Variants in SH3BP2 observed in about 807,000 individuals in gnomAD.
The protein encoded by SH3BP2 is SH3 domain-binding protein 2.
In SH3BP2, 38 loss-of-function variants were observed where a neutral mutation model predicts 56.2. That is an observed-to-expected ratio of 0.68 (90% CI 0.52 to 0.89). The LOEUF is 0.89. Among genes scored for constraint, SH3BP2 ranks in the 40% least tolerant of loss-of-function variants. SH3BP2 has a pLI of 0.00. For synonymous variants in SH3BP2, 346 were observed against 316.7 expected (o/e 1.09, Z -0.98); for missense variants, 748 against 762.6 (o/e 0.98, Z 0.23).
At chr4:2,807,865 G>A (rs1443099556) in intron 1 of SH3BP2, among the ~76,000 whole-genome samples, 1 of 152,148 alleles carries the variant, frequency 6.6e-6, no homozygotes, top group African/African-American at 2.4e-5. Context: ...GGTGGGAGGT[G>A]GAGAGCCCAG....
intron 1 of SH3BP2, among the ~76,000 whole-genome samples, chr4:2,816,063 T>A (rs1025244522): frequency 1.1e-4 from 16 of 152,214 alleles, no homozygotes; most frequent in African/African-American, 3.9e-4. Context: ...CTAATAATTT[T>A]TTTTTTTTGA....
At chr4:2,799,947 T>C (rs1403300386) in intron 1 of SH3BP2, among the ~76,000 whole-genome samples, 1 of 151,410 alleles carries the variant, frequency 6.6e-6, no homozygotes, top group Non-Finnish European at 1.5e-5. Flanking sequence ...CTGGCTTATG[T>C]TTTCAAGCTT....
chr4:2,820,585 G>A, intron 1 of SH3BP2, 29 bp from the exon 2 acceptor site: 3 of 1,614,056 alleles, frequency 1.9e-6, no homozygotes, highest in Non-Finnish European at 1.7e-6. Flanking sequence ...GACCGTAGCT[G>A]AGCCACGTGC....
rs915216267 is a variant in SH3BP2, at chr4:2,822,632, C to T, written c.137-303C>T. On this transcript the variant is annotated intron_variant, in intron 2 of 12. Coordinates refer to ENST00000503393, the MANE Select transcript of SH3BP2 (RefSeq NM_001122681.2). ...GGCCTCCCTGGGCCTCTGGTCCTGG[C>T]TCTGCCTTGCCTCATGCTGGCTCCA... 3.9e-5 allele frequency among the ~76,000 whole-genome samples: 6 copies of T among 152,368 alleles called. No homozygotes were observed. The East Asian group carries it at 1.2e-3, about 29-fold the overall frequency.
At position 2,827,254 on chromosome 4, in the gene SH3BP2, C is replaced by T. The variant is rs113144616; in HGVS notation, c.453C>T (p.Ser151=). The T allele has an allele frequency of 5.0e-6, 8 of 1,614,050 alleles. No homozygotes were observed. The African/African-American group carries it at 8.0e-5, about 16-fold the overall frequency. The change falls in exon 6 of 13, where the codon AGC becomes AGT. Residue 151 remains serine, a synonymous_variant. Transcript: ENST00000503393. ...GCGACTCCAGCTCGGACACAGACAG[C>T]TTCTACGGCGCAGTTGAGCGGCCTG... ...DTSDSSSDTD[S]FYGAVERPVD...
chr4:2,823,537 T>G (rs1448205850), intron 3 of SH3BP2: 2 of 456,098 alleles, frequency 4.4e-6, no homozygotes, highest in Non-Finnish European at 8.8e-6. Context: ...TGATGGGCCA[T>G]GAGCTGCCCT....
intron 10 of SH3BP2, 158 bp downstream of exon 10, chr4:2,832,136 A>T: frequency 2.0e-6 from 2 of 977,718 alleles, no homozygotes; most frequent in Non-Finnish European, 3.2e-6. Context: ...GCTCTGTCCC[A>T]TGCCCAGCTG....
Position 2,833,061 on chromosome 4 carries a change from C to T in SH3BP2, c.1548+12C>T, listed in dbSNP as rs746486429. On this transcript the variant is annotated intron_variant, in intron 12 of 12. Transcript: ENST00000503393. ...GCATTTTTGAGAAGGTGAGAGGGCTCTGAGTGGGACGGGGACCCTGGCCGC... is the reference window on the plus strand; with the variant it reads ...GCATTTTTGAGAAGGTGAGAGGGCTTTGAGTGGGACGGGGACCCTGGCCGC... The T allele has an allele frequency of 3.7e-6, 6 of 1,613,424 alleles. No homozygotes were observed. The highest frequency in any genetic ancestry group is 5.1e-6 in the Non-Finnish European group (6 of 1,179,480).
chr4:2,812,563 GC>G, intron 1 of SH3BP2: 1 of 1,467,628 alleles, frequency 6.8e-7, no homozygotes, highest in South Asian at 1.3e-5. Flanking sequence ...CCACGTGGGA[GC>G]CACAGCCTTC....
At chr4:2,820,510 T>C (rs1157825958) in intron 1 of SH3BP2, 104 bp from the exon 2 acceptor site, 2 of 1,455,318 alleles carry the variant, frequency 1.4e-6, no homozygotes, top group East Asian at 4.6e-5. Context: ...GGCCCTACCC[T>C]CCAAGCTGTG....
Position 2,835,939 on chromosome 4 carries a change from T to A in SH3BP2, c.*2105T>A, listed in dbSNP as rs1725216710. The A allele has an allele frequency of 1.3e-5, 2 of 152,786 alleles. No homozygotes were observed. The highest frequency in any genetic ancestry group is 3.4e-3 in the Middle Eastern group (1 of 298). 9.5% of individuals were successfully genotyped at this position (152,786 alleles called of 1,614,324 possible). On this transcript the variant is annotated 3_prime_UTR_variant, in exon 13 of 13. Transcript: ENST00000503393. ...CTGTGCCTGGCCCCTTCCTGTAAAATTTTTAAATGGAGAATTGGGTGCGAG... is the reference window on the plus strand; with the variant it reads ...CTGTGCCTGGCCCCTTCCTGTAAAAATTTTAAATGGAGAATTGGGTGCGAG...
chr4:2,818,433 G>A, intron 1 of SH3BP2: 3 of 1,078,214 alleles, frequency 2.8e-6, no homozygotes, highest in Non-Finnish European at 3.5e-6. Flanking sequence ...GACCCGGGCC[G>A]CGAGCTTCCG....
chr4:2,801,613 A>G (rs1396195627), intron 1 of SH3BP2, among the ~76,000 whole-genome samples: 1 of 152,006 alleles, frequency 6.6e-6, no homozygotes, highest in African/African-American at 2.4e-5. Context: ...CCTTGAGCCC[A>G]CCTGTGCTGG....
intron 12 of SH3BP2, chr4:2,833,468 G>T: frequency 1.6e-6 from 1 of 628,648 alleles, no homozygotes; most frequent in Non-Finnish European, 2.8e-6. Flanking sequence ...TGTCTGAAGT[G>T]CTCTGGGTGC....
At chr4:2,817,125 C>T (rs1291834833) in intron 1 of SH3BP2, among the ~76,000 whole-genome samples, 5 of 152,136 alleles carry the variant, frequency 3.3e-5, no homozygotes, top group Admixed American at 6.5e-5. Context: ...GTCTGGCTGG[C>T]GTAAGAGCAC....
At chr4:2,826,430 G>C (rs1490052243) in intron 5 of SH3BP2, 1 of 209,896 alleles carries the variant, frequency 4.8e-6, no homozygotes, top group East Asian at 1.5e-4. Flanking sequence ...CTCTGTGTTT[G>C]TGTGTGCATG....
At chr4:2,793,227 G>T (rs182820) in intron 1 of SH3BP2, 89 bp downstream of exon 1, 51,481 of 136,044 alleles carry the variant, frequency 0.38, 11,210 homozygotes, top group Admixed American at 0.5. Context: ...GGGCCTTGGC[G>T]GTCTGGGGGC....
chr4:2,828,232 C>T (rs1724784778), intron 7 of SH3BP2, among the ~76,000 whole-genome samples: 1 of 152,024 alleles, frequency 6.6e-6, no homozygotes, highest in South Asian at 2.1e-4. Flanking sequence ...TCTCTCCAGC[C>T]CCCTCATCTT....
At chr4:2,825,023 A>T (rs1724520640) in intron 4 of SH3BP2, 103 bp from the exon 5 acceptor site, 6 of 1,146,228 alleles carry the variant, frequency 5.2e-6, no homozygotes, top group Non-Finnish European at 7.7e-6. Flanking sequence ...GCCTCCTCTG[A>T]CCTTGGGAGT....
Sources: allele counts gnomAD v4.1 joint callset (sites outside exome capture counted in the v4.1 genomes callset), GRCh38; gene constraint gnomAD v4.1.1; transcripts MANE v1.5; gene names NCBI Gene and HGNC (gene_info 2026-07-23, HGNC 2026-07-21).